SOX6: variants seen among roughly 807,000 people sequenced by gnomAD.
The protein encoded by SOX6 is SRY-box transcription factor 6.
In SOX6, 11 loss-of-function variants were observed where a neutral mutation model predicts 97.8. The observed-to-expected ratio is 0.11, with a 90% confidence interval of 0.07 to 0.19. SOX6 has a LOEUF of 0.19. Among genes scored for constraint, SOX6 ranks in the 10% least tolerant of loss-of-function variants. The probability of loss-of-function intolerance (pLI) is 1.00; values close to 1 mark genes in which losing one functional copy is unlikely to be tolerated. For synonymous variants in SOX6, 360 were observed against 371.4 expected (o/e 0.97, Z 0.35); for missense variants, 810 against 1,039.5 (o/e 0.78, Z 3.04).
chr11:16,674,189 C>CAAAAAAA (rs61516612), intron 3 of SOX6, among the ~76,000 whole-genome samples: 1,053 of 75,790 alleles, frequency 0.014, 95 homozygotes, highest in African/African-American at 0.024. Flanking sequence ...GACTCCATCT[C>CAAAAAAA]AAAAAAAAAA....
chr11:16,684,318 A>C (rs1847951836), intron 3 of SOX6, among the ~76,000 whole-genome samples: 1 of 152,216 alleles, frequency 6.6e-6, no homozygotes, highest in Non-Finnish European at 1.5e-5. Flanking sequence ...ATAGCAAAGT[A>C]TTGGAACCAG....
chr11:16,038,766 A>T (rs1024337762), intron 12 of SOX6, among the ~76,000 whole-genome samples: 1 of 152,180 alleles, frequency 6.6e-6, no homozygotes, highest in Admixed American at 6.5e-5. Flanking sequence ...AAGTGCTGCA[A>T]ACAAGTATTC....
intron 3 of SOX6, among the ~76,000 whole-genome samples, chr11:16,710,466 T>G (rs1848170203): frequency 6.6e-6 from 1 of 152,222 alleles, no homozygotes; most frequent in African/African-American, 2.4e-5. Context: ...TGGCCATTTC[T>G]CTGTGCTTAT....
At chr11:16,475,721 G>A (rs2133120018) in intron 1 of SOX6, among the ~76,000 whole-genome samples, 1 of 152,270 alleles carries the variant, frequency 6.6e-6, no homozygotes, top group Middle Eastern at 3.4e-3. Flanking sequence ...GAGACATGAA[G>A]TGAGCACATG....
chr11:16,326,100 A>T (rs1590127094), intron 2 of SOX6, among the ~76,000 whole-genome samples: 2 of 152,180 alleles, frequency 1.3e-5, no homozygotes, highest in East Asian at 1.9e-4. Context: ...GCAGTATTGG[A>T]CTAAGACATT....
intron 4 of SOX6, among the ~76,000 whole-genome samples, chr11:16,542,640 G>A (rs972003278): frequency 6.6e-6 from 1 of 152,064 alleles, no homozygotes; most frequent in Non-Finnish European, 1.5e-5. Flanking sequence ...TCAACAGCAT[G>A]AGTGAGTTTT....
intron 2 of SOX6, among the ~76,000 whole-genome samples, chr11:16,719,180 C>A (rs1590063482): frequency 6.6e-6 from 1 of 151,880 alleles, no homozygotes; most frequent in African/African-American, 2.4e-5. Flanking sequence ...ATGAGGAAAC[C>A]AGTAAGTTAA....
intron 9 of SOX6, among the ~76,000 whole-genome samples, chr11:16,091,977 A>T (rs1848700666): frequency 6.6e-6 from 1 of 152,078 alleles, no homozygotes; most frequent in African/African-American, 2.4e-5. Flanking sequence ...TCTGCCTGTA[A>T]CAATATTAAG....
intron 3 of SOX6, among the ~76,000 whole-genome samples, chr11:16,665,211 C>A (rs949989836): frequency 2.6e-5 from 4 of 151,930 alleles, no homozygotes; most frequent in African/African-American, 9.7e-5. Flanking sequence ...AGCTTCAATA[C>A]CAGTGGGATA....
chr11:16,475,432 G>A (rs117611843), intron 1 of SOX6, among the ~76,000 whole-genome samples: 43 of 152,272 alleles, frequency 2.8e-4, no homozygotes, highest in Non-Finnish European at 4.4e-4. Context: ...ACACTTAGAA[G>A]TCATTGTAGG....
chr11:16,427,645 C>G (rs1194739236), intron 1 of SOX6, among the ~76,000 whole-genome samples: 2 of 152,166 alleles, frequency 1.3e-5, no homozygotes, highest in African/African-American at 4.8e-5. Flanking sequence ...CATGTCCCTA[C>G]AAAGGACATG....
At chr11:16,144,117 CAA>C (rs1850224969) in intron 6 of SOX6, among the ~76,000 whole-genome samples, 1 of 152,140 alleles carries the variant, frequency 6.6e-6, no homozygotes, top group African/African-American at 2.4e-5. Flanking sequence ...CACTCCGCAG[CAA>C]ATGTAAAAGA....
At chr11:16,602,638 T>C (rs1848284176) in intron 4 of SOX6, among the ~76,000 whole-genome samples, 1 of 152,086 alleles carries the variant, frequency 6.6e-6, no homozygotes, top group Admixed American at 6.5e-5. Context: ...GAAAGTGAAA[T>C]ATTTCATCGG....
At chr11:16,046,323 A>G (rs1199207704) in intron 12 of SOX6, among the ~76,000 whole-genome samples, 191 bp downstream of exon 12, 1 of 152,168 alleles carries the variant, frequency 6.6e-6, no homozygotes, top group Non-Finnish European at 1.5e-5. Context: ...CTGGGTGGGA[A>G]AGGGCGTATT....
intron 1 of SOX6, among the ~76,000 whole-genome samples, chr11:16,431,057 T>C (rs1406884921): frequency 6.6e-6 from 1 of 152,112 alleles, no homozygotes; most frequent in Non-Finnish European, 1.5e-5. Context: ...AGGATACTGG[T>C]TCTCTCTTTC....
chr11:16,574,818 G>A (rs1331425342), intron 4 of SOX6, among the ~76,000 whole-genome samples: 2 of 152,008 alleles, frequency 1.3e-5, no homozygotes, highest in Non-Finnish European at 2.9e-5. Context: ...TAAGGCAGGT[G>A]GATCACAAGG....
At chr11:16,015,897 CTTG>C (rs900492059) in intron 12 of SOX6, among the ~76,000 whole-genome samples, 3 of 152,022 alleles carry the variant, frequency 2.0e-5, no homozygotes, top group African/African-American at 7.2e-5. Context: ...TGAATGAAAC[CTTG>C]TTGTTCATTA....
intron 11 of SOX6, 131 bp downstream of exon 11, chr11:16,049,624 C>A: frequency 9.4e-7 from 1 of 1,066,220 alleles, no homozygotes; most frequent in Non-Finnish European, 1.4e-6. Flanking sequence ...GGTTATGTTT[C>A]AGTAGAAAAG....
At chr11:16,672,742 C>G (rs895610842) in intron 3 of SOX6, among the ~76,000 whole-genome samples, 2 of 152,060 alleles carry the variant, frequency 1.3e-5, no homozygotes, top group Admixed American at 6.6e-5. Flanking sequence ...ATATCAAAGA[C>G]CCAGTGGTTG....
Sources: allele counts gnomAD v4.1 joint callset (sites outside exome capture counted in the v4.1 genomes callset), GRCh38; gene constraint gnomAD v4.1.1; transcripts MANE v1.5; gene names NCBI Gene and HGNC (gene_info 2026-07-23, HGNC 2026-07-21).